Variants in TENM1 observed in about 807,000 individuals in gnomAD.
TENM1 encodes the protein teneurin transmembrane protein 1.
In TENM1, 35 loss-of-function variants were observed where a neutral mutation model predicts 174.8. The observed-to-expected ratio is 0.20, with a 90% CI of 0.15 to 0.27. The LOEUF (loss-of-function observed/expected upper bound fraction) is 0.27, where lower values mean the gene tolerates loss of function less well. TENM1 is among the 10% of genes least tolerant of loss of function. The probability of loss-of-function intolerance (pLI) is 1.00; values close to 1 mark genes in which losing one functional copy is unlikely to be tolerated. For missense variants in TENM1, 1,633 were observed against 2,130.1 expected (o/e 0.77, Z 4.59); for synonymous variants, 781 against 798.7 (o/e 0.98, Z 0.37).
At chrX:125,075,475 A>C in the TENM1 span, among the ~76,000 whole-genome samples, 2 of 111,545 alleles carry the variant, frequency 1.8e-5, no homozygotes, top group Non-Finnish European at 1.9e-5. Context: ...TTATGTAGAC[A>C]TATGTTTTCA....
the TENM1 span, among the ~76,000 whole-genome samples, chrX:125,147,259 C>T: frequency 9.2e-6 from 1 of 108,807 alleles, no homozygotes; most frequent in African/African-American, 3.3e-5. Context: ...TTTTATATAT[C>T]TTATATATCT....
intron 3 of TENM1, among the ~76,000 whole-genome samples, chrX:124,860,360 C>T (rs893331394): frequency 1.8e-5 from 2 of 111,315 alleles, no homozygotes; most frequent in African/African-American, 6.5e-5. Flanking sequence ...GACCTGTAAC[C>T]ATATTATTGG....
chrX:124,990,937 G>C, the TENM1 span, among the ~76,000 whole-genome samples: 1 of 111,258 alleles, frequency 9.0e-6, no homozygotes, highest in Non-Finnish European at 1.9e-5. Context: ...AAACTCCCTT[G>C]AGTGCCTATG....
chrX:124,997,705 C>T, the TENM1 span, among the ~76,000 whole-genome samples: 5 of 110,990 alleles, frequency 4.5e-5, no homozygotes, highest in Non-Finnish European at 9.5e-5. Context: ...CAAAGTCTCT[C>T]ATTCCCTGGT....
chrX:124,737,099 C>T (rs1347304516), exon 4 of TENM1: 1 of 1,208,474 alleles, frequency 8.3e-7, no homozygotes, highest in Non-Finnish European at 1.1e-6. Flanking sequence ...GAGTCCGCTG[C>T]AGGGGGTGGC....
At chrX:125,098,016 C>G in the TENM1 span, among the ~76,000 whole-genome samples, 2 of 111,754 alleles carry the variant, frequency 1.8e-5, no homozygotes, top group Non-Finnish European at 3.8e-5. Context: ...GTAATCCCAG[C>G]ACTTTGGGAG....
chrX:124,442,708 G>A (rs1194117321), intron 23 of TENM1, among the ~76,000 whole-genome samples: 2 of 111,450 alleles, frequency 1.8e-5, no homozygotes, highest in Non-Finnish European at 3.8e-5. Flanking sequence ...TGTCATCCAG[G>A]CTGGAGTGCA....
At chrX:125,087,546 A>G in the TENM1 span, among the ~76,000 whole-genome samples, 4 of 111,354 alleles carry the variant, frequency 3.6e-5, no homozygotes, top group Non-Finnish European at 5.7e-5. Context: ...TTGTCTGATC[A>G]GCTGTGATCT....
intron 15 of TENM1, among the ~76,000 whole-genome samples, chrX:124,540,903 C>G (rs1420192019): frequency 8.9e-6 from 1 of 111,838 alleles, no homozygotes; most frequent in Non-Finnish European, 1.9e-5. Flanking sequence ...TTATATTCCA[C>G]TTTTCTCTTA....
intron 11 of TENM1, among the ~76,000 whole-genome samples, chrX:124,628,343 C>T (rs1368091448): frequency 9.0e-6 from 1 of 110,756 alleles, no homozygotes; most frequent in African/African-American, 3.3e-5. Flanking sequence ...CACTGCTGCC[C>T]AAGAGAAATA....
chrX:124,963,471 GTT>G (rs2058684929), intron 1 of TENM1, 64 bp downstream of exon 4: 1 of 997,396 alleles, frequency 1.0e-6, no homozygotes, highest in Non-Finnish European at 1.4e-6. Context: ...TTGAAACAAA[GTT>G]TATGCACACA....
intron 27 of TENM1, among the ~76,000 whole-genome samples, chrX:124,398,433 C>G (rs1381478731): frequency 1.8e-5 from 2 of 109,979 alleles, no homozygotes; most frequent in African/African-American, 6.6e-5. Flanking sequence ...ATGAACAGGG[C>G]ATATGTTCAG....
chrX:124,916,310 AT>A lies in TENM1; in HGVS notation c.218-20070del, dbSNP rs1229934248. On this transcript the variant is annotated intron_variant, in intron 1 of 31. Transcript: ENST00000422452. ...TTTCCCCCTCCAAAACTCATACTGAATTTTTTTTTCTTTTTGAGATCTGGTC... is the reference window on the plus strand; with the variant it reads ...TTTCCCCCTCCAAAACTCATACTGAATTTTTTTTCTTTTTGAGATCTGGTC... Among the ~76,000 whole-genome samples, 8 of 109,746 alleles carry A rather than the reference AT, an allele frequency of 7.3e-5. No homozygotes were observed. In the East Asian group the frequency reaches 8.7e-4, roughly 12 times the overall value.
At chrX:124,460,610 G>GA (rs2061159850) in intron 22 of TENM1, among the ~76,000 whole-genome samples, 1 of 108,933 alleles carries the variant, frequency 9.2e-6, no homozygotes, top group Non-Finnish European at 1.9e-5. Flanking sequence ...GAGAGGATCA[G>GA]AAAAAACAAC....
chrX:124,553,584 C>G (rs1337550858), intron 14 of TENM1, among the ~76,000 whole-genome samples: 1 of 104,426 alleles, frequency 9.6e-6, no homozygotes, highest in Non-Finnish European at 2.0e-5. Context: ...CCTTTAAATC[C>G]CCATTACCCT....
chrX:124,623,602 A>AAC (rs759448090), intron 11 of TENM1, among the ~76,000 whole-genome samples: 105 of 110,968 alleles, frequency 9.5e-4, no homozygotes, highest in African/African-American at 3.3e-3. Context: ...ATTTGCATTA[A>AAC]ACACACACAC....
intron 5 of TENM1, among the ~76,000 whole-genome samples, chrX:124,673,134 A>G (rs1418133091): frequency 1.8e-5 from 2 of 111,758 alleles, no homozygotes; most frequent in Non-Finnish European, 3.8e-5. Flanking sequence ...AAGGATGTGT[A>G]GGGCTTTGAC....
chrX:124,825,298 C>T (rs1462745409), intron 3 of TENM1, among the ~76,000 whole-genome samples: 49 of 104,010 alleles, frequency 4.7e-4, no homozygotes, highest in African/African-American at 1.5e-3. Context: ...GGATTACAGG[C>T]GCCCAGCACC....
At chrX:124,989,895 T>C in the TENM1 span, among the ~76,000 whole-genome samples, 1 of 111,988 alleles carries the variant, frequency 8.9e-6, no homozygotes, top group Admixed American at 9.5e-5. Context: ...GCATTCACAC[T>C]ATGGCAATAA....
Sources: gnomAD v4.1 joint callset for allele counts (sites outside exome capture counted in the v4.1 genomes callset) on GRCh38, gnomAD v4.1.1 for gene constraint, MANE v1.5 for transcripts, NCBI Gene and HGNC (gene_info 2026-07-23, HGNC 2026-07-21) for gene names.